KCNMA1: variants seen among roughly 807,000 people sequenced by gnomAD.
The protein encoded by KCNMA1 is Calcium-activated potassium channel subunit alpha-1.
A neutral mutation model predicts 140.0 loss-of-function variants in KCNMA1; 29 were observed. That is an observed-to-expected ratio of 0.21 (90% CI 0.15 to 0.28). The LOEUF is 0.28. Ranked by LOEUF, KCNMA1 falls within the 10% of genes least tolerant of loss-of-function variation. The pLI, the probability that KCNMA1 is intolerant of heterozygous loss-of-function variation, is 1.00. For synonymous variants in KCNMA1, 612 were observed against 611.9 expected, an observed-to-expected ratio of 1.00 and a Z score of 0.00; for missense variants, 880 against 1,602.2, an observed-to-expected ratio of 0.55 and a Z score of 7.70.
At chr10:77,615,474 A>G (rs2089068098) in intron 1 of KCNMA1, among the ~76,000 whole-genome samples, 1 of 152,110 alleles carries the variant, frequency 6.6e-6, no homozygotes, top group African/African-American at 2.4e-5. Flanking sequence ...CAGGAGCACA[A>G]TCACAATTCT....
At chr10:77,007,673 A>ATATATATATATATATG (rs201799760) in intron 18 of KCNMA1, among the ~76,000 whole-genome samples, 1 of 142,486 alleles carries the variant, frequency 7.0e-6, no homozygotes, top group Non-Finnish European at 1.5e-5. Flanking sequence ...ATATATATAT[A>ATATATATATATATATG]TATGTATCAC....
chr10:76,942,579 G>A (rs1042417839), intron 23 of KCNMA1, among the ~76,000 whole-genome samples: 1 of 152,158 alleles, frequency 6.6e-6, no homozygotes, highest in South Asian at 2.1e-4. Flanking sequence ...TTTGGGCACC[G>A]GGGAGTGGAA....
intron 1 of KCNMA1, among the ~76,000 whole-genome samples, chr10:77,531,974 C>A (rs1310733320): frequency 6.6e-6 from 1 of 152,092 alleles, no homozygotes; most frequent in Non-Finnish European, 1.5e-5. Context: ...AGAGCTATGC[C>A]CTAAATTCAG....
At chr10:77,565,115 G>A (rs1348282194) in intron 1 of KCNMA1, among the ~76,000 whole-genome samples, 2 of 152,182 alleles carry the variant, frequency 1.3e-5, no homozygotes, top group African/African-American at 2.4e-5. Context: ...GCCACTCTCA[G>A]TGACTGTCCT....
At chr10:76,881,663 G>A (rs1205150965), downstream of KCNMA1, among the ~76,000 whole-genome samples, 1 of 152,174 alleles carries the variant, frequency 6.6e-6, no homozygotes, top group Non-Finnish European at 1.5e-5. Context: ...AGTACTATCA[G>A]TACTAAAGGA....
At chr10:77,208,094 G>A (rs2044735625) in intron 3 of KCNMA1, among the ~76,000 whole-genome samples, 1 of 152,252 alleles carries the variant, frequency 6.6e-6, no homozygotes, top group Non-Finnish European at 1.5e-5. Flanking sequence ...GACAAGAAAA[G>A]TAGAGAGTGG....
At chr10:77,582,756 G>A (rs2076216426) in intron 1 of KCNMA1, among the ~76,000 whole-genome samples, 1 of 152,222 alleles carries the variant, frequency 6.6e-6, no homozygotes, top group African/African-American at 2.4e-5. Flanking sequence ...CCCCTCGGGG[G>A]ACTTCTTGAC....
chr10:77,570,140 G>A (rs914398100), intron 1 of KCNMA1, among the ~76,000 whole-genome samples: 4 of 151,666 alleles, frequency 2.6e-5, no homozygotes, highest in African/African-American at 9.7e-5. Context: ...CTGTTGGTGG[G>A]ACTGTAAACT....
chr10:77,002,577 C>T (rs1359325579), intron 18 of KCNMA1, among the ~76,000 whole-genome samples: 3 of 152,150 alleles, frequency 2.0e-5, no homozygotes, highest in Admixed American at 6.5e-5. Context: ...AATTTGCATG[C>T]AGCATTGATA....
intron 9 of KCNMA1, chr10:77,092,296 T>G (rs1237551428): frequency 1.3e-5 from 2 of 152,250 alleles, no homozygotes; most frequent in African/African-American, 4.8e-5. Context: ...TTGTGGCACA[T>G]GTACATTTAC....
At chr10:76,898,862 A>T (rs1164122516) in intron 25 of KCNMA1, among the ~76,000 whole-genome samples, 1 of 151,998 alleles carries the variant, frequency 6.6e-6, no homozygotes, top group Admixed American at 6.6e-5. Context: ...TTTTTTTAAA[A>T]AAAAGCAGGA....
rs185469064 is a variant in KCNMA1 at position 77,353,583 on chromosome 10, A to T, written c.540+50279T>A. Among the ~76,000 whole-genome samples, 23 of 152,140 alleles carry T rather than the reference A, an allele frequency of 1.5e-4. No homozygotes were observed. The East Asian group carries it at 3.1e-3, about 20-fold the overall frequency. On this transcript the variant is annotated intron_variant, in intron 2 of 27. Coordinates refer to ENST00000286628, the MANE Select transcript of KCNMA1 (RefSeq NM_001161352.2). ...GCTGTTACAAGTGTTTTCCATATAT[A>T]TGAAGGTATATATAATATATACATA...
chr10:77,305,544 G>C (rs1159278978), intron 2 of KCNMA1, among the ~76,000 whole-genome samples: 3 of 152,170 alleles, frequency 2.0e-5, no homozygotes, highest in African/African-American at 7.2e-5. Context: ...TCAGAGGGGA[G>C]CTCTCTCTAC....
intron 2 of KCNMA1, among the ~76,000 whole-genome samples, chr10:77,393,309 G>T (rs892156850): frequency 1.3e-5 from 2 of 152,138 alleles, no homozygotes; most frequent in Admixed American, 6.5e-5. Flanking sequence ...AAAAGGATTT[G>T]TTCTTCACCC....
At chr10:77,272,612 A>C (rs966851584) in intron 2 of KCNMA1, among the ~76,000 whole-genome samples, 3 of 150,432 alleles carry the variant, frequency 2.0e-5, no homozygotes, top group Non-Finnish European at 4.4e-5. Flanking sequence ...ATTTCTACAA[A>C]TAATAATTTT....
chr10:77,327,351 A>G (rs961040113), intron 2 of KCNMA1, among the ~76,000 whole-genome samples: 2 of 151,072 alleles, frequency 1.3e-5, no homozygotes, highest in Non-Finnish European at 2.9e-5. Flanking sequence ...TTTTGTTGTT[A>G]TTGTTGTTGT....
intron 1 of KCNMA1, among the ~76,000 whole-genome samples, chr10:77,444,609 T>C (rs1270464625): frequency 6.6e-6 from 1 of 152,206 alleles, no homozygotes; most frequent in East Asian, 1.9e-4. Context: ...TGCCATGCCA[T>C]ATGCCTCTCT....
chr10:77,389,400 C>T (rs184005375), intron 2 of KCNMA1, among the ~76,000 whole-genome samples: 51 of 152,248 alleles, frequency 3.3e-4, no homozygotes, highest in African/African-American at 1.0e-3. Flanking sequence ...GAGATGGAGG[C>T]GCTTCTACCT....
intron 1 of KCNMA1, among the ~76,000 whole-genome samples, chr10:77,512,099 G>A (rs2048614373): frequency 6.6e-6 from 1 of 152,222 alleles, no homozygotes; most frequent in Non-Finnish European, 1.5e-5. Flanking sequence ...AATGTCTTGG[G>A]TCATATATCC....
Sources: allele counts gnomAD v4.1 joint callset (sites outside exome capture counted in the v4.1 genomes callset), GRCh38; gene constraint gnomAD v4.1.1; transcripts MANE v1.5; gene names NCBI Gene and HGNC (gene_info 2026-07-23, HGNC 2026-07-21).